ITGB1BP1: variants seen among roughly 807,000 people sequenced by gnomAD.
ITGB1BP1 encodes the protein integrin beta-1-binding protein 1.
Under a neutral mutation model 28.0 loss-of-function variants are expected in ITGB1BP1, and 20 were observed. The observed-to-expected ratio is 0.71, with a 90% confidence interval of 0.50 to 1.04. The LOEUF (loss-of-function observed/expected upper bound fraction) is 1.04. Among genes scored for constraint, ITGB1BP1 ranks in the 50% least tolerant of loss-of-function variants. The pLI is 0.00. For synonymous variants in ITGB1BP1, 103 were observed against 89.5 expected (o/e 1.15, Z -0.85); for missense variants, 228 against 242.5 (o/e 0.94, Z 0.40).
At chr2:9,413,439 C>T (rs1678720504) in intron 3 of ITGB1BP1, among the ~76,000 whole-genome samples, 3 of 152,074 alleles carry the variant, frequency 2.0e-5, no homozygotes, top group Admixed American at 2.0e-4. Flanking sequence ...AGCAATTCTC[C>T]TGCCTCAGCC....
chr2:9,419,791 T>G (rs1679572152), intron 1 of ITGB1BP1, among the ~76,000 whole-genome samples: 1 of 152,192 alleles, frequency 6.6e-6, no homozygotes, highest in African/African-American at 2.4e-5. Flanking sequence ...CTGATGCTTT[T>G]TAAGGGCATA....
Position 9,407,488 on chromosome 2 carries a change from A to G in ITGB1BP1, c.492T>C (p.Asn164=), listed in dbSNP as rs1677662674. 1.9e-6 allele frequency: 3 copies of G among 1,614,012 alleles called. No individual in the cohort carries two copies. The highest frequency in any genetic ancestry group is 1.7e-6 in the Non-Finnish European group (2 of 1,180,024). ...GATAAACCCACAGGCTGTATTCCTC[A>G]TTGCTTGCATCTGTGGTCTTCAGAG... ...LLALKTTDAS[N]EEYSLWVYQC... Residue 164 remains asparagine, a synonymous_variant, in exon 6 of 7, where the codon AAT becomes AAC. Coordinates refer to ENST00000355346, the MANE Select transcript of ITGB1BP1 (RefSeq NM_004763.5).
upstream of ITGB1BP1, chr2:9,423,547 C>G: frequency 1.7e-6 from 2 of 1,151,562 alleles, no homozygotes; most frequent in Non-Finnish European, 2.3e-6. Context: ...GCAGTCCTGA[C>G]GTCCTACCCC....
Position 9,412,278 on chromosome 2 carries a change from G to T in ITGB1BP1, c.279C>A (p.Asp93Glu). ...EGPLDLINYIDVAQQDGKLPF... is the reference protein window; with the variant it reads ...EGPLDLINYIEVAQQDGKLPF... The stretch of plus-strand genomic sequence containing the variant: ...AATTTTTTTTTTTTACCTGGGCAAC[G>T]TCTATATAATTTATCAGGTCTAATG... Residue 93 changes from aspartate to glutamate, a missense_variant, in exon 4 of 7, where the codon GAC becomes GAA. Asp to Glu is a conservative substitution (Grantham distance 45). This residue lies in a region of ITGB1BP1 where 192 missense variants were observed against 181.6 expected (regional missense o/e 1.06). Transcript: ENST00000355346. 6.2e-7 allele frequency: 1 copy of T among 1,607,416 alleles called. No homozygotes were observed. Among genetic ancestry groups the T allele is most frequent in the Non-Finnish European group, 8.5e-7 (1 of 1,177,794 alleles).
At chr2:9,414,886 A>G (rs1364708396) in intron 2 of ITGB1BP1, among the ~76,000 whole-genome samples, 2 of 152,228 alleles carry the variant, frequency 1.3e-5, no homozygotes, top group East Asian at 1.9e-4. Flanking sequence ...AAAACTGTTG[A>G]GCAAAATAGA....
chr2:9,418,452 C>T (rs188435676), intron 2 of ITGB1BP1, among the ~76,000 whole-genome samples, 174 bp downstream of exon 2: 57 of 152,248 alleles, frequency 3.7e-4, no homozygotes, highest in African/African-American at 1.3e-3. Flanking sequence ...CCAGAACAGA[C>T]AAAATGAAGC....
intron 4 of ITGB1BP1, among the ~76,000 whole-genome samples, chr2:9,411,286 G>A (rs1262999756): frequency 6.6e-6 from 1 of 152,182 alleles, no homozygotes; most frequent in East Asian, 1.9e-4. Flanking sequence ...ACATCATTAT[G>A]AATTAGATTA....
intron 1 of ITGB1BP1, among the ~76,000 whole-genome samples, chr2:9,420,935 C>A (rs886930412): frequency 6.6e-6 from 1 of 152,154 alleles, no homozygotes; most frequent in Non-Finnish European, 1.5e-5. Flanking sequence ...AAGAAGACTG[C>A]GGGTGATTGC....
At chr2:9,416,988 C>A (rs1457274388) in intron 2 of ITGB1BP1, among the ~76,000 whole-genome samples, 1 of 152,082 alleles carries the variant, frequency 6.6e-6, no homozygotes, top group African/African-American at 2.4e-5. Context: ...TCTGCAGAAC[C>A]TGAGGTTTCA....
At chr2:9,409,148 C>T (rs1014924726) in intron 4 of ITGB1BP1, among the ~76,000 whole-genome samples, 9 of 152,216 alleles carry the variant, frequency 5.9e-5, no homozygotes, top group Non-Finnish European at 5.9e-5. Flanking sequence ...CCCTGGCGGA[C>T]GATCCGGTCT....
intron 1 of ITGB1BP1, among the ~76,000 whole-genome samples, chr2:9,420,575 T>G (rs764440586): frequency 1.2e-4 from 19 of 152,180 alleles, no homozygotes; most frequent in Non-Finnish European, 2.8e-4. Context: ...GTAGCTCTTT[T>G]TCTGAAAGAA....
intron 3 of ITGB1BP1, chr2:9,412,620 A>G: frequency 2.3e-6 from 1 of 444,072 alleles, no homozygotes; most frequent in Non-Finnish European, 3.9e-6. Flanking sequence ...TAGTATACAA[A>G]GGTCTCAATA....
Position 9,405,401 on chromosome 2 carries a change from A to G in ITGB1BP1, c.*1433T>C, listed in dbSNP as rs921187995. On this transcript the variant is annotated 3_prime_UTR_variant, in exon 7 of 7. Transcript: ENST00000355346. ...GCCATTCTCCATCAGATCTGGGATG[A>G]TGGCTCAGAACATGTACACAGACTA... 2 of 152,656 alleles carry G rather than the reference A, an allele frequency of 1.3e-5. No individual in the cohort carries two copies. Among genetic ancestry groups the G allele is most frequent in the Non-Finnish European group, 2.9e-5 (2 of 68,042 alleles). 9.5% of individuals were successfully genotyped at this position (152,656 alleles called of 1,614,324 possible). A position where few individuals can be genotyped will look rare whatever the true frequency, so the allele number is the denominator to read the frequency against.
At chr2:9,409,024 C>A (rs1192264768) in intron 4 of ITGB1BP1, among the ~76,000 whole-genome samples, 1 of 152,236 alleles carries the variant, frequency 6.6e-6, no homozygotes, top group African/African-American at 2.4e-5. Flanking sequence ...CTGGTGATGC[C>A]ACGCCTCAGG....
Position 9,406,891 on chromosome 2 carries a change from G to A in ITGB1BP1, c.546C>T (p.Ala182=). 6.2e-7 allele frequency: 1 copy of A among 1,612,150 alleles called. No individual in the cohort carries two copies. The highest frequency in any genetic ancestry group is 8.5e-7 in the Non-Finnish European group (1 of 1,178,206). The change falls in exon 7 of 7, where the codon GCC becomes GCT. Residue 182 remains alanine, a synonymous_variant. Transcript: ENST00000355346. Reference sequence around the variant, plus strand: ...AAGCGGTGGATAAAACCTTGCAAATGGCTTGTGCTTGTTCCTACATTACAT... The same window carrying A: ...AAGCGGTGGATAAAACCTTGCAAATAGCTTGTGCTTGTTCCTACATTACAT... ...YQCNSLEQAQ[A]ICKVLSTAFD... is the part of the protein sequence containing the mutation.
intron 1 of ITGB1BP1, chr2:9,423,061 C>T (rs1247851035): frequency 5.0e-5 from 50 of 997,612 alleles, no homozygotes; most frequent in Admixed American, 6.1e-5. Flanking sequence ...AGGCGGGAGG[C>T]GGCCGAAGCG....
rs917701836 is a variant in ITGB1BP1, at chr2:9,423,501, G to A, written c.-164C>T. The A allele has an allele frequency of 8.4e-7, 1 of 1,187,102 alleles. No individual in the cohort carries two copies. Among genetic ancestry groups the A allele is most frequent in the Non-Finnish European group, 1.1e-6 (1 of 934,164 alleles). The allele number at this position is 1,187,102 out of a possible 1,614,324, so 73.5% of individuals were successfully genotyped here. Reference sequence around the variant, plus strand: ...CGGCTTTTCCAGCCCTCCTGCCCACGTCCGCCGGGCCGCGCCTCCAAGACT... The same window carrying A: ...CGGCTTTTCCAGCCCTCCTGCCCACATCCGCCGGGCCGCGCCTCCAAGACT... On this transcript the variant is annotated 5_prime_UTR_variant, in exon 1 of 7. The change creates a new upstream start codon in the 5' untranslated region. Coordinates refer to ENST00000355346, the MANE Select transcript of ITGB1BP1 (RefSeq NM_004763.5).
At chr2:9,407,860 T>C (rs1025887333) in intron 5 of ITGB1BP1, 14 of 573,758 alleles carry the variant, frequency 2.4e-5, no homozygotes, top group African/African-American at 1.1e-4. Context: ...GGGCCCTTAG[T>C]TGAAAATGCA....
At position 9,405,597 on chromosome 2, in the gene ITGB1BP1, A is replaced by ATAAT. The variant is rs1677160990; in HGVS notation, c.*1233_*1236dup. On this transcript the variant is annotated 3_prime_UTR_variant, in exon 7 of 7. Coordinates refer to ENST00000355346, the MANE Select transcript of ITGB1BP1 (RefSeq NM_004763.5). ...TTCATTGTCCTTAATGCAGTGATTTATAATTAGAGCATGTTTAATAAGTTT... is the reference window on the plus strand; with the variant it reads ...TTCATTGTCCTTAATGCAGTGATTTATAATTAATTAGAGCATGTTTAATAAGTTT... The ATAAT allele has an allele frequency of 1.3e-5, 2 of 152,648 alleles. No homozygotes were observed. Among genetic ancestry groups the ATAAT allele is most frequent in the Non-Finnish European group, 2.9e-5 (2 of 68,038 alleles). 9.5% of individuals were successfully genotyped at this position (152,648 alleles called of 1,614,324 possible).
Sources: allele counts gnomAD v4.1 joint callset (sites outside exome capture counted in the v4.1 genomes callset), GRCh38; gene constraint gnomAD v4.1.1; regional missense constraint gnomAD v4.1.1; transcripts MANE v1.5; gene names NCBI Gene and HGNC (gene_info 2026-07-23, HGNC 2026-07-21).